NKAIN2: variants seen among roughly 807,000 people sequenced by gnomAD.
The protein encoded by NKAIN2 is sodium/potassium-transporting ATPase subunit beta-1-interacting protein 2.
A neutral mutation model predicts 32.6 loss-of-function variants in NKAIN2; 14 were observed. The observed-to-expected ratio is 0.43, with a 90% CI of 0.28 to 0.67. NKAIN2 has a LOEUF of 0.67. NKAIN2 is among the 30% of genes least tolerant of loss of function. The pLI, the probability that NKAIN2 is intolerant of heterozygous loss-of-function variation, is 0.17. For missense variants in NKAIN2, 198 were observed against 258.3 expected (o/e 0.77, Z 1.60); for synonymous variants, 80 against 87.2 (o/e 0.92, Z 0.46).
At chr6:124,164,594 C>T (rs903502180) in intron 1 of NKAIN2, among the ~76,000 whole-genome samples, 1 of 152,046 alleles carries the variant, frequency 6.6e-6, no homozygotes, top group African/African-American at 2.4e-5. Context: ...CCAATAGACA[C>T]ATGTTATTAG....
intron 1 of NKAIN2, among the ~76,000 whole-genome samples, chr6:123,889,294 G>A (rs769980404): frequency 1.3e-5 from 2 of 152,086 alleles, no homozygotes; most frequent in African/African-American, 2.4e-5. Context: ...CATATTCTAA[G>A]TGAGATGTCC....
chr6:124,744,753 T>A (rs1444633809), intron 4 of NKAIN2, among the ~76,000 whole-genome samples: 1 of 151,920 alleles, frequency 6.6e-6, no homozygotes, highest in East Asian at 1.9e-4. Flanking sequence ...ACAAGGGTCA[T>A]GATTACGGAA....
intron 3 of NKAIN2, among the ~76,000 whole-genome samples, chr6:124,410,288 G>GGT (rs1562165140): frequency 6.6e-6 from 1 of 151,772 alleles, no homozygotes; most frequent in African/African-American, 2.4e-5. Context: ...GTGATGTTAG[G>GGT]GTGTCAATTT....
Position 123,883,704 on chromosome 6 carries a change from A to G in NKAIN2, c.54+79450A>G, listed in dbSNP as rs1010540288. ...TAAAAAAAAAAATTACCGGCCAGGC[A>G]ATTTAAAAAAGAGGTACATTTTAAA... is the stretch of plus-strand genomic sequence containing the variant. On this transcript the variant is annotated intron_variant, in intron 1 of 6. Coordinates refer to ENST00000368417, the MANE Select transcript of NKAIN2 (RefSeq NM_001040214.3). Among the ~76,000 whole-genome samples the G allele has an allele frequency of 7.6e-4, 115 of 150,696 alleles. 1 individual carries two copies. Among genetic ancestry groups the G allele is most frequent in the South Asian group, 1.3e-3 (6 of 4,766 alleles).
At chr6:124,598,441 C>G (rs1257606950) in intron 3 of NKAIN2, among the ~76,000 whole-genome samples, 1 of 151,928 alleles carries the variant, frequency 6.6e-6, no homozygotes, top group South Asian at 2.1e-4. Flanking sequence ...ATAGTTAATA[C>G]CCTCATACTG....
chr6:124,800,475 G>A lies in NKAIN2; in HGVS notation c.535+9076G>A, dbSNP rs373748363. 3.9e-5 allele frequency among the ~76,000 whole-genome samples: 6 copies of A among 152,224 alleles called. No homozygotes were observed. The East Asian group carries it at 7.7e-4, about 20-fold the overall frequency. On this transcript the variant is annotated intron_variant, in intron 5 of 6. Transcript: ENST00000368417. Reference sequence around the variant, plus strand: ...GAGGCCTCCGCTATGACTGGTTGGCGTTGTGTGGCAGGGAGTGAAAGAGAA... The same window carrying A: ...GAGGCCTCCGCTATGACTGGTTGGCATTGTGTGGCAGGGAGTGAAAGAGAA...
chr6:123,827,407 T>G (rs564549789), intron 1 of NKAIN2, among the ~76,000 whole-genome samples: 1 of 152,260 alleles, frequency 6.6e-6, no homozygotes, highest in Non-Finnish European at 1.5e-5. Flanking sequence ...AATTTAGGCT[T>G]CTTCTGGACT....
rs904659398 is a variant in NKAIN2 at position 123,804,231 on chromosome 6, A to G, written c.31A>G (p.Ile11Val). The part of the protein sequence containing the change: MGYCSGRCTL[I>V]FICGMQLVCV... ...TTATTGCAGTGGCAGGTGCACGCTT[A>G]TCTTTATCTGTGGCATGCAACTGGT... is the stretch of plus-strand genomic sequence containing the variant. The change falls in exon 1 of 7, where the codon ATC (isoleucine) becomes GTC (valine). Residue 11 changes from isoleucine to valine, a missense_variant. By Grantham distance (29) the Ile-to-Val change is conservative. Transcript: ENST00000368417. 2.2e-5 allele frequency: 35 copies of G among 1,613,856 alleles called. No homozygotes were observed. Among genetic ancestry groups the G allele is most frequent in the Non-Finnish European group, 2.4e-5 (28 of 1,179,916 alleles).
chr6:124,413,531 C>T (rs1301590622), intron 3 of NKAIN2, among the ~76,000 whole-genome samples: 1 of 152,050 alleles, frequency 6.6e-6, no homozygotes, highest in Non-Finnish European at 1.5e-5. Context: ...TGGTGCTTTT[C>T]AAAGTTTTGT....
Position 124,275,391 on chromosome 6 carries a change from A to G in NKAIN2, c.55-7614A>G, listed in dbSNP as rs115192028. On this transcript the variant is annotated intron_variant, in intron 1 of 6. Coordinates refer to ENST00000368417, the MANE Select transcript of NKAIN2 (RefSeq NM_001040214.3). ...TTTCAGTAATACAAATTATGAGAAAATGCACTTCTTGTCTCTATTTGGTTT... is the reference window on the plus strand; with the variant it reads ...TTTCAGTAATACAAATTATGAGAAAGTGCACTTCTTGTCTCTATTTGGTTT... 1.5e-3 allele frequency among the ~76,000 whole-genome samples: 226 copies of G among 152,248 alleles called. 1 individual carries two copies. The highest frequency in any genetic ancestry group is 5.3e-3 in the African/African-American group (220 of 41,572).
At chr6:124,149,186 GT>G (rs1365162554) in intron 1 of NKAIN2, among the ~76,000 whole-genome samples, 1 of 152,008 alleles carries the variant, frequency 6.6e-6, no homozygotes, top group Non-Finnish European at 1.5e-5. Context: ...TTGTAAGGGT[GT>G]TTTATATATT....
intron 3 of NKAIN2, among the ~76,000 whole-genome samples, chr6:124,396,172 A>C (rs1351715189): frequency 6.6e-6 from 1 of 151,970 alleles, no homozygotes; most frequent in Non-Finnish European, 1.5e-5. Flanking sequence ...ACACTCTACC[A>C]CTCAAAATGA....
intron 1 of NKAIN2, among the ~76,000 whole-genome samples, chr6:124,184,305 G>T (rs1789599156): frequency 6.6e-6 from 1 of 151,370 alleles, no homozygotes; most frequent in African/African-American, 2.4e-5. Context: ...GATCTCAAGG[G>T]CTCCCAGACC....
chr6:124,477,425 T>A (rs1230315888), intron 3 of NKAIN2, among the ~76,000 whole-genome samples: 1 of 152,116 alleles, frequency 6.6e-6, no homozygotes, highest in African/African-American at 2.4e-5. Flanking sequence ...TAGTTCTGAA[T>A]GCCTCTTCAC....
At chr6:124,794,127 C>G (rs1473635423) in intron 5 of NKAIN2, among the ~76,000 whole-genome samples, 1 of 152,136 alleles carries the variant, frequency 6.6e-6, no homozygotes, top group East Asian at 1.9e-4. Context: ...TCTCCACATG[C>G]TTTTTGGGGA....
chr6:123,959,221 G>T (rs541546177), intron 1 of NKAIN2, among the ~76,000 whole-genome samples: 1 of 152,164 alleles, frequency 6.6e-6, no homozygotes, highest in Non-Finnish European at 1.5e-5. Flanking sequence ...CGTTGAAGTT[G>T]CAAGGTGCTG....
chr6:124,377,977 T>C (rs1002562875), intron 3 of NKAIN2, among the ~76,000 whole-genome samples: 1 of 152,064 alleles, frequency 6.6e-6, no homozygotes, highest in Non-Finnish European at 1.5e-5. Flanking sequence ...GAGTTGAGCT[T>C]TTTGAATCCT....
intron 3 of NKAIN2, among the ~76,000 whole-genome samples, chr6:124,379,245 GGA>G (rs1800149176): frequency 2.8e-5 from 1 of 36,326 alleles, no homozygotes. Flanking sequence ...AGGAGAGAAG[GGA>G]GAGAGAAGGG....
chr6:124,806,959 T>C (rs977357840), intron 5 of NKAIN2, among the ~76,000 whole-genome samples: 98 of 152,144 alleles, frequency 6.4e-4, no homozygotes, highest in African/African-American at 2.1e-3. Flanking sequence ...TATATATGCA[T>C]CCAATACAGG....
Sources: allele counts gnomAD v4.1 joint callset (sites outside exome capture counted in the v4.1 genomes callset), GRCh38; gene constraint gnomAD v4.1.1; transcripts MANE v1.5; gene names NCBI Gene and HGNC (gene_info 2026-07-23, HGNC 2026-07-21).